TP63: variants seen among roughly 807,000 people sequenced by gnomAD.
TP63 encodes the protein tumor protein 63.
In TP63, 17 loss-of-function variants were observed where a neutral mutation model predicts 82.8. The observed-to-expected ratio is 0.21, with a 90% confidence interval of 0.14 to 0.31. The LOEUF (loss-of-function observed/expected upper bound fraction) is 0.31. Among genes scored for constraint, TP63 ranks in the 10% least tolerant of loss-of-function variants. The pLI is 1.00. For synonymous variants in TP63, 330 were observed against 321.7 expected (o/e 1.03, Z -0.28); for missense variants, 648 against 895.3 (o/e 0.72, Z 3.52).
the TP63 span, among the ~76,000 whole-genome samples, chr3:189,615,625 T>C: frequency 6.6e-6 from 1 of 152,182 alleles, no homozygotes; most frequent in Admixed American, 6.5e-5. Context: ...CATATGTCCA[T>C]ATATTTGCTC....
intron 5 of TP63, among the ~76,000 whole-genome samples, chr3:189,865,647 C>T (rs550347859): frequency 3.9e-5 from 6 of 152,004 alleles, no homozygotes; most frequent in East Asian, 1.9e-4. Flanking sequence ...GAGAATGGAT[C>T]GGAATTTAAA....
intron 3 of TP63, among the ~76,000 whole-genome samples, chr3:189,748,027 A>C (rs938303908): frequency 6.6e-6 from 1 of 152,060 alleles, no homozygotes; most frequent in Non-Finnish European, 1.5e-5. Context: ...AGACCTGAAC[A>C]GACCAATATA....
intron 3 of TP63, among the ~76,000 whole-genome samples, chr3:189,758,929 A>C (rs1722375948): frequency 6.6e-6 from 1 of 152,230 alleles, no homozygotes; most frequent in African/African-American, 2.4e-5. Flanking sequence ...TTGTCTGTTC[A>C]GGTTTCAGAG....
intron 1 of TP63, among the ~76,000 whole-genome samples, chr3:189,637,904 C>T (rs1028947844): frequency 1.3e-5 from 2 of 151,896 alleles, no homozygotes; most frequent in East Asian, 1.9e-4. Flanking sequence ...CACAAGAAAG[C>T]GGAAGGTAGA....
At chr3:189,871,827 T>C (rs1194056526) in intron 9 of TP63, among the ~76,000 whole-genome samples, 1 of 152,078 alleles carries the variant, frequency 6.6e-6, no homozygotes, top group Non-Finnish European at 1.5e-5. Flanking sequence ...ACTCCAGCAA[T>C]CCTCCCACCT....
intron 4 of TP63, among the ~76,000 whole-genome samples, chr3:189,828,262 A>AG (rs1553849261): frequency 1.1e-4 from 16 of 151,518 alleles, no homozygotes; most frequent in African/African-American, 2.9e-4. Flanking sequence ...AAAAAAAAAA[A>AG]AGAGAGAGAG....
chr3:189,632,509 G>A (rs571743860), intron 1 of TP63, among the ~76,000 whole-genome samples: 7 of 152,114 alleles, frequency 4.6e-5, no homozygotes, highest in East Asian at 1.9e-4. Context: ...TTGCTACAAC[G>A]TAGAACACTA....
chr3:189,800,912 TA>T (rs935374059), intron 3 of TP63, among the ~76,000 whole-genome samples: 3 of 152,202 alleles, frequency 2.0e-5, no homozygotes, highest in Admixed American at 2.0e-4. Flanking sequence ...AATTTATTTT[TA>T]TTTTTATTTT....
chr3:189,618,071 T>C, the TP63 span, among the ~76,000 whole-genome samples: 1 of 152,168 alleles, frequency 6.6e-6, no homozygotes, highest in Non-Finnish European at 1.5e-5. Flanking sequence ...AATAAAAATG[T>C]GGGATCCTTT....
At chr3:189,745,521 A>T (rs181383895) in intron 3 of TP63, among the ~76,000 whole-genome samples, 17 of 152,098 alleles carry the variant, frequency 1.1e-4, no homozygotes, top group Admixed American at 9.2e-4. Flanking sequence ...ATCCTGATCA[A>T]CATAGTGAAA....
intron 1 of TP63, among the ~76,000 whole-genome samples, chr3:189,698,563 G>C (rs1016806883): frequency 6.6e-6 from 1 of 152,058 alleles, no homozygotes; most frequent in Admixed American, 6.6e-5. Context: ...TTATCCATGA[G>C]ATGCTATATA....
chr3:189,622,956 G>T, the TP63 span, among the ~76,000 whole-genome samples: 1 of 152,126 alleles, frequency 6.6e-6, no homozygotes, highest in East Asian at 1.9e-4. Flanking sequence ...TGATTTCTAA[G>T]ATTTTTTTTC....
At chr3:189,646,506 A>G in intron 1 of TP63, among the ~76,000 whole-genome samples, 1 of 147,520 alleles carries the variant, frequency 6.8e-6, no homozygotes, top group South Asian at 2.2e-4. Context: ...TTCTGGATAT[A>G]CATTATAGCT....
chr3:189,815,707 G>T (rs1471086439), intron 4 of TP63, among the ~76,000 whole-genome samples: 3 of 152,078 alleles, frequency 2.0e-5, no homozygotes, highest in African/African-American at 7.2e-5. Flanking sequence ...GTAACAAGGG[G>T]AGATTACTAA....
chr3:189,886,296 G>A, intron 10 of TP63, 98 bp from the exon 11 acceptor site: 1 of 1,355,420 alleles, frequency 7.4e-7, no homozygotes, highest in Non-Finnish European at 1.0e-6. Context: ...CAAATGTTTG[G>A]TTTGAGGCCA....
chr3:189,626,135 T>C, the TP63 span, among the ~76,000 whole-genome samples: 1 of 152,216 alleles, frequency 6.6e-6, no homozygotes, highest in South Asian at 2.1e-4. Flanking sequence ...TTCAGTTTAC[T>C]TAAGTTCTAG....
At chr3:189,775,929 T>C (rs1221590755) in intron 3 of TP63, among the ~76,000 whole-genome samples, 1 of 152,140 alleles carries the variant, frequency 6.6e-6, no homozygotes, top group Non-Finnish European at 1.5e-5. Context: ...TAATGAGTAA[T>C]GTAATTATTT....
At chr3:189,672,908 T>C (rs559043171) in intron 1 of TP63, among the ~76,000 whole-genome samples, 1 of 152,264 alleles carries the variant, frequency 6.6e-6, no homozygotes, top group East Asian at 1.9e-4. Flanking sequence ...TACCACGATC[T>C]TGGCTTACTG....
intron 10 of TP63, chr3:189,880,040 C>A (rs1322087935): frequency 6.2e-7 from 1 of 1,605,390 alleles, no homozygotes; most frequent in Non-Finnish European, 8.5e-7. Context: ...TTCATTTTTT[C>A]TTTTCTCTGG....
Sources: allele counts gnomAD v4.1 joint callset (sites outside exome capture counted in the v4.1 genomes callset), GRCh38; gene constraint gnomAD v4.1.1; transcripts MANE v1.5; gene names NCBI Gene and HGNC (gene_info 2026-07-23, HGNC 2026-07-21).